Variants in MLLT10 observed in about 807,000 individuals in gnomAD.
MLLT10 encodes the protein MLLT10 histone lysine methyltransferase DOT1L cofactor.
A neutral mutation model predicts 129.1 loss-of-function variants in MLLT10; 30 were observed. The ratio of observed to expected loss-of-function variants is 0.23; its 90% confidence interval spans 0.17 to 0.32. The LOEUF (loss-of-function observed/expected upper bound fraction) is 0.32, where lower values mean the gene tolerates loss of function less well. Among genes scored for constraint, MLLT10 ranks in the 10% least tolerant of loss-of-function variants. The pLI, the probability that MLLT10 is intolerant of heterozygous loss-of-function variation, is 1.00. For synonymous variants in MLLT10, 490 were observed against 446.4 expected (o/e 1.10, Z -1.23); for missense variants, 1,119 against 1,268.3 (o/e 0.88, Z 1.79).
At chr10:21,625,141 G>A (rs757643124) in intron 8 of MLLT10, 1 of 1,085,422 alleles carries the variant, frequency 9.2e-7, no homozygotes, top group Non-Finnish European at 1.4e-6. Flanking sequence ...ATCGGAAGCG[G>A]CATGCGAGGA....
At chr10:21,643,702 C>T (rs368125257) in intron 8 of MLLT10, among the ~76,000 whole-genome samples, 15 of 152,124 alleles carry the variant, frequency 9.9e-5, no homozygotes, top group African/African-American at 3.6e-4. Context: ...ACTAACGACA[C>T]CTCCCTCTCC....
At chr10:21,599,793 C>G (rs1366203531) in intron 5 of MLLT10, among the ~76,000 whole-genome samples, 2 of 152,110 alleles carry the variant, frequency 1.3e-5, no homozygotes, top group Non-Finnish European at 1.5e-5. Context: ...ATCTTGAACT[C>G]CTGAGCTCAA....
rs117937001 is a variant in MLLT10 at position 21,588,753 on chromosome 10, T to C, written c.295+2405T>C. Reference sequence around the variant, plus strand: ...TCTTAATATTAGTGAGGTTCACATCTTTTTATAGTTTGAAGAGCAGTTTGT... The same window carrying C: ...TCTTAATATTAGTGAGGTTCACATCCTTTTATAGTTTGAAGAGCAGTTTGT... On this transcript the variant is annotated intron_variant, in intron 4 of 22. Coordinates refer to ENST00000307729, the MANE Select transcript of MLLT10 (RefSeq NM_001195626.3). Among the ~76,000 whole-genome samples, 447 of 152,260 alleles carry C rather than the reference T, an allele frequency of 2.9e-3. 9 individuals carry two copies. In the East Asian group the frequency reaches 0.055, roughly 19 times the overall value.
intron 16 of MLLT10, among the ~76,000 whole-genome samples, chr10:21,730,524 A>G (rs1000647781): frequency 1.3e-5 from 2 of 152,296 alleles, no homozygotes; most frequent in Admixed American, 1.3e-4. Context: ...ATCAAAGCAG[A>G]ATGGTGAAAC....
intron 8 of MLLT10, among the ~76,000 whole-genome samples, chr10:21,633,225 A>C (rs2047160257): frequency 6.6e-6 from 1 of 152,228 alleles, no homozygotes; most frequent in African/African-American, 2.4e-5. Context: ...AGTACATGTA[A>C]AATGTCCTGG....
At chr10:21,550,130 G>A (rs1429162771) in intron 3 of MLLT10, among the ~76,000 whole-genome samples, 1 of 152,184 alleles carries the variant, frequency 6.6e-6, no homozygotes, top group Admixed American at 6.5e-5. Context: ...TAGCTGCAGA[G>A]TCTGTTACAG....
chr10:21,625,658 A>G (rs1038679311), intron 8 of MLLT10: 1 of 762,518 alleles, frequency 1.3e-6, no homozygotes, highest in African/African-American at 1.7e-5. Flanking sequence ...GAATTCTTCC[A>G]GAGTGTTTTC....
At position 21,580,865 on chromosome 10, in the gene MLLT10, CTCA is replaced by C. The variant is rs2041354372; in HGVS notation, c.241-5427_241-5425del. ...TACAGGTGCACACCACCACGCCCAGCTCATTTTTTTTTTTTTTTTTTTTTTTTT... is the reference window on the plus strand; with the variant it reads ...TACAGGTGCACACCACCACGCCCAGCTTTTTTTTTTTTTTTTTTTTTTTTT... On this transcript the variant is annotated intron_variant, in intron 3 of 22. Transcript: ENST00000307729. Among the ~76,000 whole-genome samples, 6 of 123,522 alleles carry C rather than the reference CTCA, an allele frequency of 4.9e-5. 1 individual carries two copies. The Admixed American group carries it at 6.2e-4, about 13-fold the overall frequency. 81.0% of individuals were successfully genotyped at this position (123,522 alleles called of 152,430 possible).
intron 20 of MLLT10, 40 bp downstream of exon 20, chr10:21,734,169 A>G (rs1418012429): frequency 1.9e-6 from 3 of 1,550,688 alleles, no homozygotes; most frequent in African/African-American, 2.7e-5. Flanking sequence ...TTAGTATAAC[A>G]GAGTACCGGT....
At chr10:21,689,546 A>AATATATATAT (rs370885697) in intron 13 of MLLT10, among the ~76,000 whole-genome samples, 3 of 108,334 alleles carry the variant, frequency 2.8e-5, no homozygotes, top group African/African-American at 9.9e-5. Context: ...TGTGTAAAGT[A>AATATATATAT]ATATATATAT....
At chr10:21,691,143 A>G (rs540343621) in intron 13 of MLLT10, among the ~76,000 whole-genome samples, 1 of 152,306 alleles carries the variant, frequency 6.6e-6, no homozygotes, top group East Asian at 1.9e-4. Context: ...TTTAAATATT[A>G]TCATCATCTT....
chr10:21,615,025 T>G, intron 7 of MLLT10, 101 bp downstream of exon 7: 1 of 913,712 alleles, frequency 1.1e-6, no homozygotes. Flanking sequence ...CCTTTTTCCT[T>G]GAGTTTTTGG....
At chr10:21,687,958 C>T (rs1270226083) in intron 13 of MLLT10, among the ~76,000 whole-genome samples, 1 of 152,156 alleles carries the variant, frequency 6.6e-6, no homozygotes, top group Non-Finnish European at 1.5e-5. Context: ...AAGACATGTA[C>T]TTATAGGTAA....
intron 21 of MLLT10, among the ~76,000 whole-genome samples, chr10:21,738,145 A>G (rs529747476): frequency 2.1e-4 from 32 of 152,040 alleles, no homozygotes; most frequent in African/African-American, 7.7e-4. Context: ...GCGCGTGTGT[A>G]TAATCTCAGC....
chr10:21,543,335 G>C (rs2035529546), intron 3 of MLLT10, among the ~76,000 whole-genome samples: 3 of 152,096 alleles, frequency 2.0e-5, no homozygotes, highest in African/African-American at 7.2e-5. Flanking sequence ...TGGCCAGGCT[G>C]GTCTCGAACT....
At chr10:21,536,102 C>G (rs541226049) in intron 2 of MLLT10, among the ~76,000 whole-genome samples, 1 of 152,240 alleles carries the variant, frequency 6.6e-6, no homozygotes, top group South Asian at 2.1e-4. Context: ...CCTAGCACAC[C>G]GGCTAATTTG....
At chr10:21,633,635 C>A (rs1226650500) in intron 8 of MLLT10, among the ~76,000 whole-genome samples, 2 of 152,100 alleles carry the variant, frequency 1.3e-5, no homozygotes, top group African/African-American at 4.8e-5. Flanking sequence ...GTCGAGGCCA[C>A]AAAAGCTGAG....
At chr10:21,659,672 G>A (rs2049973327) in intron 9 of MLLT10, among the ~76,000 whole-genome samples, 1 of 151,940 alleles carries the variant, frequency 6.6e-6, no homozygotes, top group African/African-American at 2.4e-5. Context: ...CACCACGCCT[G>A]GCTGATTCTT....
intron 8 of MLLT10, among the ~76,000 whole-genome samples, chr10:21,648,907 C>T (rs776504596): frequency 8.5e-5 from 13 of 152,130 alleles, no homozygotes; most frequent in Non-Finnish European, 1.8e-4. Context: ...GATTTATTCA[C>T]TATCATGAGA....
Sources: gnomAD v4.1 joint callset for allele counts (sites outside exome capture counted in the v4.1 genomes callset) on GRCh38, gnomAD v4.1.1 for gene constraint, MANE v1.5 for transcripts, NCBI Gene and HGNC (gene_info 2026-07-23, HGNC 2026-07-21) for gene names.